Variants in CCDC102B observed in about 807,000 individuals in gnomAD.
CCDC102B encodes the protein coiled-coil domain-containing protein 102B.
CCDC102B carries 75 observed loss-of-function variants against 57.4 expected under a neutral mutation model. The observed-to-expected ratio is 1.31, with a 90% CI of 1.08 to 1.58. The LOEUF is 1.58. Ranked by LOEUF, CCDC102B falls within the 40% of genes most tolerant of loss-of-function variation. The probability of loss-of-function intolerance (pLI) is 0.00; values close to 1 mark genes in which losing one functional copy is unlikely to be tolerated. For missense variants in CCDC102B, 636 were observed against 582.6 expected (o/e 1.09, Z -0.94); for synonymous variants, 206 against 201.9 (o/e 1.02, Z -0.17).
In CCDC102B at chr18:69,006,326, T is replaced by C. The variant is rs187425376; in HGVS notation, c.1264-4608T>C. 3.0e-3 allele frequency among the ~76,000 whole-genome samples: 451 copies of C among 152,268 alleles called. 2 individuals are homozygous for C. The highest frequency in any genetic ancestry group is 3.7e-3 in the Non-Finnish European group (255 of 68,020). On this transcript the variant is annotated intron_variant, in intron 6 of 7. Coordinates refer to ENST00000360242, the MANE Select transcript of CCDC102B (RefSeq NM_024781.3). ...AGAACAAAATGAGTGTGTGGGGAGA[T>C]TCCCATCACTTTTCTATCACAAATT...
intron 2 of CCDC102B, among the ~76,000 whole-genome samples, chr18:68,763,784 G>GACAAATATT (rs1599425588): frequency 2.0e-5 from 3 of 148,158 alleles, no homozygotes; most frequent in African/African-American, 7.4e-5. Context: ...CCTCAATACA[G>GACAAATATT]CAGTAGAACC....
chr18:68,976,467 C>T (rs1599780817), intron 6 of CCDC102B, among the ~76,000 whole-genome samples: 3 of 151,994 alleles, frequency 2.0e-5, no homozygotes, highest in East Asian at 1.9e-4. Context: ...TATGGAGTAA[C>T]GCATTTAAAT....
At chr18:68,867,907 C>G (rs1053849170) in intron 4 of CCDC102B, among the ~76,000 whole-genome samples, 1 of 152,000 alleles carries the variant, frequency 6.6e-6, no homozygotes, top group Non-Finnish European at 1.5e-5. Context: ...GCACTCCATC[C>G]TGGGGCGAAA....
At chr18:68,960,201 G>A (rs543685876) in intron 6 of CCDC102B, among the ~76,000 whole-genome samples, 9 of 152,260 alleles carry the variant, frequency 5.9e-5, no homozygotes, top group African/African-American at 1.7e-4. Context: ...TCTTTAGTCA[G>A]CATGCAATGA....
At chr18:68,736,519 C>T (rs1323274679) in intron 2 of CCDC102B, among the ~76,000 whole-genome samples, 1 of 152,144 alleles carries the variant, frequency 6.6e-6, no homozygotes, top group Non-Finnish European at 1.5e-5. Context: ...TCATTGTGTT[C>T]TAATATGAGA....
At chr18:68,925,313 G>T (rs2041440744) in intron 6 of CCDC102B, among the ~76,000 whole-genome samples, 1 of 151,916 alleles carries the variant, frequency 6.6e-6, no homozygotes, top group Non-Finnish European at 1.5e-5. Flanking sequence ...AATCAATCTG[G>T]CTTGCTGTGA....
At chr18:69,027,666 CT>C (rs66690936) in intron 7 of CCDC102B, among the ~76,000 whole-genome samples, 144,521 of 149,582 alleles carry the variant, frequency 0.97, 69,973 homozygotes, top group Non-Finnish European at 1. Flanking sequence ...GAAGGTGATC[CT>C]TTTTTTTTTT....
chr18:68,912,586 G>C (rs1313965142), intron 6 of CCDC102B, among the ~76,000 whole-genome samples: 1 of 152,148 alleles, frequency 6.6e-6, no homozygotes, highest in Non-Finnish European at 1.5e-5. Context: ...TTTATATGAT[G>C]ACAGTGTCTT....
At chr18:68,742,466 G>A (rs572257512) in intron 2 of CCDC102B, among the ~76,000 whole-genome samples, 1 of 152,218 alleles carries the variant, frequency 6.6e-6, no homozygotes. Context: ...TATATTTTGG[G>A]GATACACAAT....
chr18:68,902,736 G>A (rs1325327558), intron 6 of CCDC102B, among the ~76,000 whole-genome samples: 1 of 152,150 alleles, frequency 6.6e-6, no homozygotes, highest in Admixed American at 6.6e-5. Flanking sequence ...TTAAGTCATA[G>A]TAATTCTTCT....
Position 68,872,351 on chromosome 18 carries a change from C to T in CCDC102B, c.937-2318C>T, listed in dbSNP as rs115218020. 3.9e-3 allele frequency among the ~76,000 whole-genome samples: 596 copies of T among 152,188 alleles called. 3 individuals are homozygous for T. Among genetic ancestry groups the T allele is most frequent in the African/African-American group, 0.013 (551 of 41,518 alleles). On this transcript the variant is annotated intron_variant, in intron 4 of 7. Transcript: ENST00000360242. Reference sequence around the variant, plus strand: ...TGTCCAATGGAGTAGATCAGAAACACAACAGGCACCGGGACCAAACTTCAG... The same window carrying T: ...TGTCCAATGGAGTAGATCAGAAACATAACAGGCACCGGGACCAAACTTCAG...
chr18:68,875,392 A>T (rs959342492), intron 5 of CCDC102B, among the ~76,000 whole-genome samples: 1 of 152,192 alleles, frequency 6.6e-6, no homozygotes, highest in Non-Finnish European at 1.5e-5. Flanking sequence ...TTTGTACTTC[A>T]TAGAAAATAG....
intron 7 of CCDC102B, among the ~76,000 whole-genome samples, chr18:69,044,220 T>C (rs1304746354): frequency 6.6e-6 from 1 of 152,192 alleles, no homozygotes; most frequent in Non-Finnish European, 1.5e-5. Flanking sequence ...TTTGAGGTTG[T>C]GGAATCTGTC....
At chr18:68,835,939 T>G (rs2037347808) in intron 1 of CCDC102B, among the ~76,000 whole-genome samples, 1 of 152,164 alleles carries the variant, frequency 6.6e-6, no homozygotes, top group Non-Finnish European at 1.5e-5. Context: ...TTGAGACTAG[T>G]CAATAGTCAA....
chr18:68,966,869 C>T (rs181606741), intron 6 of CCDC102B, among the ~76,000 whole-genome samples: 1 of 152,204 alleles, frequency 6.6e-6, no homozygotes, highest in East Asian at 1.9e-4. Context: ...TTTTACTGAA[C>T]CCTTCCCCAG....
chr18:68,756,634 G>A (rs2034061344), intron 2 of CCDC102B, among the ~76,000 whole-genome samples: 1 of 152,042 alleles, frequency 6.6e-6, no homozygotes, highest in Non-Finnish European at 1.5e-5. Flanking sequence ...CTCTGCTTGG[G>A]GTTTTGCAGT....
chr18:68,848,066 T>G (rs1361391276), intron 4 of CCDC102B, among the ~76,000 whole-genome samples: 1 of 151,846 alleles, frequency 6.6e-6, no homozygotes, highest in Non-Finnish European at 1.5e-5. Context: ...CAAACAATAC[T>G]ACTTAGAATG....
intron 2 of CCDC102B, among the ~76,000 whole-genome samples, chr18:68,737,714 G>A (rs958917396): frequency 6.6e-6 from 1 of 152,082 alleles, no homozygotes; most frequent in African/African-American, 2.4e-5. Flanking sequence ...CAATTATGTA[G>A]CAGCAGCCCT....
At chr18:68,901,312 T>G (rs1018219614) in intron 6 of CCDC102B, among the ~76,000 whole-genome samples, 10 of 152,180 alleles carry the variant, frequency 6.6e-5, no homozygotes, top group African/African-American at 2.4e-4. Context: ...GTAAGCCACA[T>G]AAGTCTCTGT....
Sources: allele counts gnomAD v4.1 joint callset (sites outside exome capture counted in the v4.1 genomes callset), GRCh38; gene constraint gnomAD v4.1.1; transcripts MANE v1.5; gene names NCBI Gene and HGNC (gene_info 2026-07-23, HGNC 2026-07-21).